Variants in SPMIP7 observed in about 807,000 individuals in gnomAD.
The protein encoded by SPMIP7 is protein SPMIP7.
At chr7:50,151,905 A>C in the SPMIP7 span, among the ~76,000 whole-genome samples, 2 of 152,232 alleles carry the variant, frequency 1.3e-5, no homozygotes, top group African/African-American at 4.8e-5. Context: ...CTGTGCACAC[A>C]CATCACCCTT....
chr7:50,118,369 T>A, the SPMIP7 span, among the ~76,000 whole-genome samples: 1 of 152,198 alleles, frequency 6.6e-6, no homozygotes. Flanking sequence ...GTGGGGTAAC[T>A]GTTATCAAAT....
chr7:50,120,060 A>T, the SPMIP7 span: 1 of 151,862 alleles, frequency 6.6e-6, no homozygotes, highest in East Asian at 1.9e-4. Context: ...GTCTGAGGAG[A>T]ATTTGTTTAC....
At chr7:50,145,265 GAA>G in the SPMIP7 span, among the ~76,000 whole-genome samples, 1 of 136,692 alleles carries the variant, frequency 7.3e-6, no homozygotes. Context: ...TCTCAAAAAT[GAA>G]AAAAAAAAAG....
chr7:50,105,493 C>T, the SPMIP7 span, among the ~76,000 whole-genome samples: 1 of 152,114 alleles, frequency 6.6e-6, no homozygotes, highest in Non-Finnish European at 1.5e-5. Flanking sequence ...TTTTCCTTCA[C>T]AATAACTCTT....
the SPMIP7 span, among the ~76,000 whole-genome samples, chr7:50,158,565 C>T: frequency 2.0e-5 from 3 of 151,332 alleles, no homozygotes; most frequent in Non-Finnish European, 4.4e-5. Flanking sequence ...GGGTGAGGCC[C>T]GGGTTCCCCC....
the SPMIP7 span, among the ~76,000 whole-genome samples, chr7:50,103,048 T>TA: frequency 4.4e-5 from 2 of 45,722 alleles, no homozygotes; most frequent in African/African-American, 1.6e-4. Flanking sequence ...TAAGATCATA[T>TA]ATTTTATATA....
chr7:50,130,681 G>A, the SPMIP7 span, among the ~76,000 whole-genome samples: 75 of 152,204 alleles, frequency 4.9e-4, 1 homozygote, highest in African/African-American at 1.7e-3. Context: ...CACATGTACA[G>A]GGTAGCAGGC....
chr7:50,123,527 A>C, the SPMIP7 span, among the ~76,000 whole-genome samples: 60,149 of 145,658 alleles, frequency 0.41, 12,924 homozygotes, highest in East Asian at 0.73. Flanking sequence ...TGTAACTAAC[A>C]TGCACATTGT....
At chr7:50,111,789 A>G in the SPMIP7 span, among the ~76,000 whole-genome samples, 1 of 152,196 alleles carries the variant, frequency 6.6e-6, no homozygotes, top group Non-Finnish European at 1.5e-5. Flanking sequence ...CTACACTGAC[A>G]GAGAGACCAC....
the SPMIP7 span, among the ~76,000 whole-genome samples, chr7:50,151,986 A>G: frequency 6.6e-6 from 1 of 152,184 alleles, no homozygotes; most frequent in South Asian, 2.1e-4. Context: ...CAGCCACCTT[A>G]CTTTTATAAA....
chr7:50,127,225 C>A, the SPMIP7 span, among the ~76,000 whole-genome samples: 2 of 152,012 alleles, frequency 1.3e-5, no homozygotes, highest in Non-Finnish European at 2.9e-5. Context: ...TGAAACTAGA[C>A]CCCTACCTCT....
At chr7:50,132,133 A>C in the SPMIP7 span, among the ~76,000 whole-genome samples, 50 of 152,154 alleles carry the variant, frequency 3.3e-4, no homozygotes, top group African/African-American at 1.1e-3. Flanking sequence ...TTAGAACAAC[A>C]TGAGGAAAAA....
chr7:50,154,006 A>T, the SPMIP7 span, among the ~76,000 whole-genome samples: 3 of 152,160 alleles, frequency 2.0e-5, no homozygotes, highest in Non-Finnish European at 4.4e-5. Context: ...GATGAGAAAC[A>T]TTTTAAAAGG....
the SPMIP7 span, among the ~76,000 whole-genome samples, chr7:50,154,807 A>G: frequency 9.3e-4 from 142 of 152,344 alleles, 1 homozygote; most frequent in African/African-American, 3.4e-3. Flanking sequence ...TGGCTTCACC[A>G]ACCTACATTC....
At chr7:50,133,211 A>T in the SPMIP7 span, among the ~76,000 whole-genome samples, 3 of 145,862 alleles carry the variant, frequency 2.1e-5, no homozygotes, top group Admixed American at 7.0e-5. Flanking sequence ...AACTCCAAAG[A>T]TCCCCATATT....
the SPMIP7 span, chr7:50,096,120 T>A: frequency 6.5e-7 from 1 of 1,527,192 alleles, no homozygotes; most frequent in Non-Finnish European, 8.8e-7. Flanking sequence ...CCTGGAAAGA[T>A]AAGTATCTCT....
At chr7:50,096,536 A>T in the SPMIP7 span, 16 of 1,551,776 alleles carry the variant, frequency 1.0e-5, no homozygotes, top group Admixed American at 2.9e-4. Flanking sequence ...AGGATTTCAA[A>T]CAACAATAAA....
the SPMIP7 span, among the ~76,000 whole-genome samples, chr7:50,105,327 T>A: frequency 6.6e-6 from 1 of 152,238 alleles, no homozygotes; most frequent in African/African-American, 2.4e-5. Context: ...AGATTTTTAT[T>A]ACCTCAAGAA....
the SPMIP7 span, among the ~76,000 whole-genome samples, chr7:50,109,747 T>A: frequency 6.6e-6 from 1 of 152,324 alleles, no homozygotes; most frequent in East Asian, 1.9e-4. Context: ...ATTTTTATTA[T>A]ATCTACCTCA....
Sources: gnomAD v4.1 joint callset for allele counts (sites outside exome capture counted in the v4.1 genomes callset) on GRCh38, gnomAD v4.1.1 for gene constraint, MANE v1.5 for transcripts, NCBI Gene and HGNC (gene_info 2026-07-23, HGNC 2026-07-21) for gene names.